NR3C2: variants seen among roughly 807,000 people sequenced by gnomAD.
NR3C2 encodes mineralocorticoid receptor.
In NR3C2, 15 loss-of-function variants were observed where a neutral mutation model predicts 86.4. The observed-to-expected ratio is 0.17, with a 90% CI of 0.12 to 0.27. NR3C2 has a LOEUF of 0.27. Ranked by LOEUF, NR3C2 falls within the 10% of genes least tolerant of loss-of-function variation. The probability of loss-of-function intolerance (pLI) is 1.00; values close to 1 mark genes in which losing one functional copy is unlikely to be tolerated. For synonymous variants in NR3C2, 458 were observed against 450.5 expected (o/e 1.02, Z -0.21); for missense variants, 960 against 1,195.6 (o/e 0.80, Z 2.91).
chr4:148,086,381 A>G (rs960746696), intron 8 of NR3C2, among the ~76,000 whole-genome samples: 54 of 152,314 alleles, frequency 3.5e-4, no homozygotes, highest in African/African-American at 1.3e-3. Context: ...CAAAAACCAC[A>G]TGGTTATCTC....
At chr4:148,444,056 C>T (rs1329265689), upstream of NR3C2, 2 of 985,260 alleles carry the variant, frequency 2.0e-6, no homozygotes, top group African/African-American at 3.5e-5. Flanking sequence ...CCGCGGGGCC[C>T]ACCGTCACGC....
At chr4:148,179,141 CAG>C (rs1356055283) in intron 4 of NR3C2, among the ~76,000 whole-genome samples, 1 of 151,468 alleles carries the variant, frequency 6.6e-6, no homozygotes, top group East Asian at 1.9e-4. Context: ...ACGATTTTAA[CAG>C]AGTTAGCAGT....
intron 4 of NR3C2, among the ~76,000 whole-genome samples, chr4:148,168,740 C>T (rs1326252531): frequency 6.6e-6 from 1 of 152,142 alleles, no homozygotes. Flanking sequence ...GGAATTTCAG[C>T]TTTTTACAAA....
chr4:148,392,603 C>A (rs1561081374), intron 2 of NR3C2, among the ~76,000 whole-genome samples: 1 of 152,146 alleles, frequency 6.6e-6, no homozygotes, highest in Non-Finnish European at 1.5e-5. Context: ...GCTCTATGAA[C>A]ATGTACTGAA....
At chr4:148,220,130 A>C (rs1737760906) in intron 3 of NR3C2, among the ~76,000 whole-genome samples, 1 of 151,828 alleles carries the variant, frequency 6.6e-6, no homozygotes, top group Non-Finnish European at 1.5e-5. Context: ...TGTGTCCCCC[A>C]GGCTGGAGTG....
chr4:148,119,328 A>G (rs1156565676), intron 7 of NR3C2, among the ~76,000 whole-genome samples: 1 of 152,192 alleles, frequency 6.6e-6, no homozygotes, highest in East Asian at 1.9e-4. Flanking sequence ...TGCTCATGGC[A>G]ATGCCATCTC....
At chr4:148,438,191 G>A (rs1167268774) in intron 1 of NR3C2, among the ~76,000 whole-genome samples, 5 of 152,094 alleles carry the variant, frequency 3.3e-5, no homozygotes, top group Non-Finnish European at 4.4e-5. Context: ...AGTTGTGGAG[G>A]TCAATAATGC....
intron 2 of NR3C2, among the ~76,000 whole-genome samples, chr4:148,319,210 G>T (rs1326898577): frequency 6.6e-6 from 1 of 151,830 alleles, no homozygotes; most frequent in Non-Finnish European, 1.5e-5. Flanking sequence ...TATTTCTGAG[G>T]GCTCTGTTCT....
chr4:148,263,477 A>G (rs770429238), intron 2 of NR3C2, among the ~76,000 whole-genome samples: 10 of 152,314 alleles, frequency 6.6e-5, no homozygotes, highest in South Asian at 2.1e-4. Flanking sequence ...GGGTTCTTCC[A>G]TAACTCTAGC....
At chr4:148,377,277 G>A (rs77075386) in intron 2 of NR3C2, among the ~76,000 whole-genome samples, 2,680 of 152,320 alleles carry the variant, frequency 0.018, 82 homozygotes, top group African/African-American at 0.061. Flanking sequence ...CTCAGGAGGT[G>A]AATGTGGCAT....
rs529710200 is a variant in NR3C2, at chr4:148,296,044, C to CAAAAAAAAAAAAAA, written c.1758-35941_1758-35928dup. ...AGAGGTCCTTAATATGAGCTGAGGCCAAAAAAAAAAAAAAAAAAAAAAGAG... is the reference window on the plus strand; with the variant it reads ...AGAGGTCCTTAATATGAGCTGAGGCCAAAAAAAAAAAAAAAAAAAAAAAAAAAAAAAAAAAAGAG... On this transcript the variant is annotated intron_variant, in intron 2 of 8. Transcript: ENST00000358102. 1.6e-4 allele frequency among the ~76,000 whole-genome samples: 12 copies of CAAAAAAAAAAAAAA among 73,936 alleles called. 2 individuals carry two copies. The highest frequency in any genetic ancestry group is 3.4e-4 in the Admixed American group (2 of 5,800). 48.5% of individuals were successfully genotyped at this position (73,936 alleles called of 152,430 possible).
chr4:148,267,017 T>C (rs956908877), intron 2 of NR3C2, among the ~76,000 whole-genome samples: 2 of 152,272 alleles, frequency 1.3e-5, no homozygotes, highest in East Asian at 1.9e-4. Flanking sequence ...ATATAGAGGA[T>C]GACATGTTCC....
chr4:148,297,154 C>T (rs946546838), intron 2 of NR3C2, among the ~76,000 whole-genome samples: 1 of 152,010 alleles, frequency 6.6e-6, no homozygotes, highest in Non-Finnish European at 1.5e-5. Context: ...AAGAAAAAAA[C>T]ATATGTAAGT....
At chr4:148,227,949 T>C (rs890119387) in intron 3 of NR3C2, among the ~76,000 whole-genome samples, 1 of 152,188 alleles carries the variant, frequency 6.6e-6, no homozygotes, top group Non-Finnish European at 1.5e-5. Flanking sequence ...TGACTCTTTT[T>C]GGTGGTGAAT....
intron 4 of NR3C2, among the ~76,000 whole-genome samples, chr4:148,190,842 T>C (rs191773550): frequency 2.0e-5 from 3 of 152,358 alleles, no homozygotes; most frequent in Admixed American, 2.0e-4. Context: ...TTATACCCCT[T>C]TACTTTAAGT....
At chr4:148,372,891 CCT>C (rs969948101) in intron 2 of NR3C2, among the ~76,000 whole-genome samples, 2 of 152,096 alleles carry the variant, frequency 1.3e-5, no homozygotes, top group African/African-American at 4.8e-5. Context: ...GGAGTGCAAC[CCT>C]CTCTTACTAG....
At chr4:148,238,473 G>A (rs150560712) in intron 3 of NR3C2, among the ~76,000 whole-genome samples, 122 of 152,122 alleles carry the variant, frequency 8.0e-4, no homozygotes, top group African/African-American at 2.8e-3. Context: ...TTTAAAAATC[G>A]TAATAAATAT....
intron 8 of NR3C2, among the ~76,000 whole-genome samples, chr4:148,083,391 AAGCAAACAGGGTCTGGAGTGGACCTCC>A (rs1730668461): frequency 6.6e-6 from 1 of 152,200 alleles, no homozygotes; most frequent in African/African-American, 2.4e-5. Flanking sequence ...GGTGATACCC[AAGCAAACAGGGTCTGGAGTGGACCTCC>A]AGCAAACTCC....
rs571044811 is a variant in NR3C2, at chr4:148,151,533, T to A, written c.2510+936A>T. Among the ~76,000 whole-genome samples, 4 of 152,310 alleles carry A rather than the reference T, an allele frequency of 2.6e-5. No homozygotes were observed. In the South Asian group the frequency reaches 8.3e-4, roughly 32 times the overall value. ...CTAATTTATGTTTGGAATAAAATTG[T>A]CTTTGCAGTACATCACATGTGGGCG... On this transcript the variant is annotated intron_variant, in intron 6 of 8. Coordinates refer to ENST00000358102, the MANE Select transcript of NR3C2 (RefSeq NM_000901.5).
Sources: allele counts gnomAD v4.1 joint callset (sites outside exome capture counted in the v4.1 genomes callset), GRCh38; gene constraint gnomAD v4.1.1; transcripts MANE v1.5; gene names NCBI Gene and HGNC (gene_info 2026-07-23, HGNC 2026-07-21).